The following ZNF571 variants were observed in gnomAD, a reference collection of about 807,000 sequenced individuals.
ZNF571 encodes zinc finger protein 571.
In ZNF571, 4 loss-of-function variants were observed where a neutral mutation model predicts 7.7. That is an observed-to-expected ratio of 0.52 (90% CI 0.25 to 1.18). The LOEUF (loss-of-function observed/expected upper bound fraction) is 1.18. ZNF571 is among the 50% of genes most tolerant of loss of function. The pLI is 0.14. For synonymous variants in ZNF571, 251 were observed against 232.4 expected (o/e 1.08, Z -0.73); for missense variants, 704 against 726.9 (o/e 0.97, Z 0.36).
chr19:37,576,097 C>A (rs1484156587), intron 3 of ZNF571, among the ~76,000 whole-genome samples: 3 of 151,910 alleles, frequency 2.0e-5, no homozygotes, highest in Non-Finnish European at 4.4e-5. Flanking sequence ...TAGCCCAACT[C>A]CTAAAGAATT....
chr19:37,581,873 TG>T lies in ZNF571; in HGVS notation c.136+2097del, dbSNP rs758856719. 3.7e-3 allele frequency among the ~76,000 whole-genome samples: 557 copies of T among 152,198 alleles called. 2 individuals are homozygous for T. The highest frequency in any genetic ancestry group is 3.4e-3 in the Non-Finnish European group (233 of 67,988). On this transcript the variant is annotated intron_variant, in intron 3 of 3. Coordinates refer to ENST00000451802, the MANE Select transcript of ZNF571 (RefSeq NM_016536.5). ...GGAGCTGCAGGGTGAACCAGGAGAA[TG>T]GCAAAACTTCTCAAGAGGTATGCAT...
chr19:37,590,010 G>A lies in ZNF571; in HGVS notation c.-69-3265C>T, dbSNP rs73617173. Among the ~76,000 whole-genome samples the A allele has an allele frequency of 5.9e-3, 900 of 151,984 alleles. 10 individuals are homozygous for A. The highest frequency in any genetic ancestry group is 0.021 in the African/African-American group (850 of 41,454). On this transcript the variant is annotated intron_variant, in intron 1 of 3. Transcript: ENST00000451802. Reference sequence around the variant, plus strand: ...CACAAAGGATCAAAGAAAAGTCCAGGAATTGTTTTCCATTAAAAGAGACTA... The same window carrying A: ...CACAAAGGATCAAAGAAAAGTCCAGAAATTGTTTTCCATTAAAAGAGACTA...
Position 37,565,517 on chromosome 19 carries a change from TCAC to T in ZNF571, c.908_910del (p.Gly303del), listed in dbSNP as rs2042822946. Reference sequence around the variant, plus strand: ...ACATTCCTTACACTCATAAGGTTTCTCACCACTATGAATTCTCTGATGGTAAGT... The same window carrying T: ...ACATTCCTTACACTCATAAGGTTTCTCACTATGAATTCTCTGATGGTAAGT... On this transcript the variant is annotated inframe_deletion, in exon 4 of 4. Transcript: ENST00000451802. 1.9e-6 allele frequency: 3 copies of T among 1,613,834 alleles called. No homozygotes were observed. In the African/African-American group the frequency reaches 4.0e-5, roughly 22 times the overall value.
rs961913084 is a variant in ZNF571, at chr19:37,569,390, C to T, written c.137-3099G>A. Among the ~76,000 whole-genome samples the T allele has an allele frequency of 1.3e-5, 2 of 151,994 alleles. No homozygotes were observed. The highest frequency in any genetic ancestry group is 1.3e-4 in the Admixed American group (2 of 15,250). On this transcript the variant is annotated intron_variant, in intron 3 of 3. Coordinates refer to ENST00000451802, the MANE Select transcript of ZNF571 (RefSeq NM_016536.5). This position sits in a 1 kb window ranked among gnomAD's most constrained non-coding sequence, Gnocchi z 4.4. ...TCACCATCTTAAGATTTTTCAATAG[C>T]CTGCAAAAATTGGAGGGATAAAATC...
At chr19:37,577,875 G>A (rs2043297435) in intron 3 of ZNF571, among the ~76,000 whole-genome samples, 1 of 152,102 alleles carries the variant, frequency 6.6e-6, no homozygotes, top group Non-Finnish European at 1.5e-5. Flanking sequence ...TCTAAAACAG[G>A]GATCCCCAAC....
intron 1 of ZNF571, among the ~76,000 whole-genome samples, chr19:37,587,592 CTT>C (rs199760691): frequency 3.2e-4 from 47 of 144,732 alleles, no homozygotes; most frequent in Non-Finnish European, 3.8e-4. Flanking sequence ...TAGCACTGAT[CTT>C]TTTTTTTTTT....
chr19:37,586,907 A>C, intron 1 of ZNF571, 162 bp from the exon 2 acceptor site: 1 of 558,396 alleles, frequency 1.8e-6, no homozygotes, highest in Non-Finnish European at 3.2e-6. Flanking sequence ...GTTCAGGCAG[A>C]CCTTTCCTTA....
intron 1 of ZNF571, among the ~76,000 whole-genome samples, chr19:37,592,287 G>A (rs12461113): frequency 0.25 from 38,417 of 151,866 alleles, 5,482 homozygotes; most frequent in East Asian, 0.63. Context: ...TCAATCATAA[G>A]TGGACGTTAT....
intron 2 of ZNF571, 95 bp downstream of exon 2, chr19:37,586,573 G>C (rs2306201): frequency 1.4e-6 from 2 of 1,480,522 alleles, no homozygotes; most frequent in Non-Finnish European, 1.9e-6. Flanking sequence ...TTCCCTTAAG[G>C]AACCAAACAA....
chr19:37,586,695 A>C lies in ZNF571; in HGVS notation c.-19T>G, dbSNP rs757532755. ...GGGGCATGGTTTTTTAGAACTGATC[A>C]ATTTTCTGGGTTCTTCTCCTGGAGG... On this transcript the variant is annotated 5_prime_UTR_variant, in exon 2 of 4. The change creates a new upstream start codon in the 5' untranslated region. Transcript: ENST00000451802. 6.2e-7 allele frequency: 1 copy of C among 1,614,052 alleles called. No individual in the cohort carries two copies. Among genetic ancestry groups the C allele is most frequent in the African/African-American group, 1.3e-5 (1 of 75,028 alleles).
chr19:37,588,099 C>CAAAAA (rs58516591), intron 1 of ZNF571, among the ~76,000 whole-genome samples: 628 of 45,764 alleles, frequency 0.014, 61 homozygotes, highest in Admixed American at 0.019. Flanking sequence ...GACTCCATCT[C>CAAAAA]AAAAAAAAAA....
Position 37,565,424 on chromosome 19 carries a change from T to C in ZNF571, c.1004A>G (p.Tyr335Cys), listed in dbSNP as rs1211854841. The C allele has an allele frequency of 1.2e-6, 2 of 1,613,346 alleles. No homozygotes were observed. Among genetic ancestry groups the C allele is most frequent in the South Asian group, 2.2e-5 (2 of 91,006 alleles). Residue 335 changes from tyrosine (Y) to cysteine (C), a missense_variant, in exon 4 of 4, where the codon TAC (tyrosine) becomes TGC (cysteine). Coordinates refer to ENST00000451802, the MANE Select transcript of ZNF571 (RefSeq NM_016536.5). ...HQRVHTGEKP[Y>C]ICKECGKAFL... ...GGCTTTCCCACATTCTTTACATATG[T>C]AAGGCTTTTCACCAGTATGAACTCT...
chr19:37,566,325 T>A, intron 3 of ZNF571, 34 bp from the exon 4 acceptor site: 1 of 1,557,644 alleles, frequency 6.4e-7, no homozygotes, highest in South Asian at 1.2e-5. Flanking sequence ...TTCCTGCTTT[T>A]GTTTACAAGG....
chr19:37,591,053 CTAT>C lies in ZNF571; in HGVS notation c.-70+3685_-70+3687del, dbSNP rs112746233. 8.0e-3 allele frequency among the ~76,000 whole-genome samples: 1,217 copies of C among 152,222 alleles called. 11 individuals are homozygous for C. Among genetic ancestry groups the C allele is most frequent in the African/African-American group, 0.028 (1,149 of 41,528 alleles). ...GAAAATACTCTGTAATTTGTCTGAA[CTAT>C]TATTATAAATTCATGATTCATGATT... On this transcript the variant is annotated intron_variant, in intron 1 of 3. Transcript: ENST00000451802.
At chr19:37,571,965 T>C (rs1204259637) in intron 3 of ZNF571, among the ~76,000 whole-genome samples, 1 of 152,246 alleles carries the variant, frequency 6.6e-6, no homozygotes, top group Admixed American at 6.5e-5. Flanking sequence ...TTAAATTATA[T>C]CTTTTTTTAT....
chr19:37,574,900 T>C (rs1175953658), intron 3 of ZNF571, among the ~76,000 whole-genome samples: 1 of 152,220 alleles, frequency 6.6e-6, no homozygotes, highest in African/African-American at 2.4e-5. Flanking sequence ...TCGGCCTTCA[T>C]AACTATATAA....
intron 3 of ZNF571, among the ~76,000 whole-genome samples, chr19:37,568,318 C>CT: frequency 2.3e-5 from 1 of 42,838 alleles, no homozygotes; most frequent in South Asian, 1.4e-3. Flanking sequence ...AAAGCAACTA[C>CT]CCCCCCCCAC....
In ZNF571 at chr19:37,566,126, G is replaced by A; in HGVS notation, c.302C>T (p.Ala101Val). The A allele has an allele frequency of 1.2e-6, 2 of 1,613,924 alleles. No homozygotes were observed. Among genetic ancestry groups the A allele is most frequent in the Non-Finnish European group, 1.7e-6 (2 of 1,179,864 alleles). The change falls in exon 4 of 4, where the codon GCA becomes GTA. Residue 101 changes from alanine (A) to valine (V), a missense_variant. By Grantham distance (64) the Ala-to-Val change is moderately conservative. Coordinates refer to ENST00000451802, the MANE Select transcript of ZNF571 (RefSeq NM_016536.5). ...ACACATGTAAAGCCCTTCCTGACTT[G>A]CTTCTTGACCCTCTAAGTTGCCTTT... ...ECKGNLEGQE[A>V]SQEGLYMCVK...
chr19:37,579,042 C>G (rs968396437), intron 3 of ZNF571, among the ~76,000 whole-genome samples: 1 of 152,206 alleles, frequency 6.6e-6, no homozygotes, highest in South Asian at 2.1e-4. Context: ...CCGCCCTGCC[C>G]CCACCTGAAC....
Sources: allele counts gnomAD v4.1 joint callset (sites outside exome capture counted in the v4.1 genomes callset), GRCh38; gene constraint gnomAD v4.1.1; non-coding constraint Gnocchi (gnomAD v3.1); transcripts MANE v1.5; gene names NCBI Gene and HGNC (gene_info 2026-07-23, HGNC 2026-07-21).